NAALAD2: variants seen among roughly 807,000 people sequenced by gnomAD.
The protein encoded by NAALAD2 is N-acetylated alpha-linked acidic dipeptidase 2.
A neutral mutation model predicts 95.6 loss-of-function variants in NAALAD2; 89 were observed. That is an observed-to-expected ratio of 0.93 (90% confidence interval 0.78 to 1.11). NAALAD2 has a LOEUF of 1.11. Ranked by LOEUF, NAALAD2 falls within the 50% of genes least tolerant of loss-of-function variation. The pLI is 0.00. For synonymous variants in NAALAD2, 264 were observed against 294.4 expected, an observed-to-expected ratio of 0.90 and a Z score of 1.06; for missense variants, 894 against 872.4, an observed-to-expected ratio of 1.02 and a Z score of -0.31.
chr11:90,183,958 C>T (rs1424715470), intron 18 of NAALAD2, among the ~76,000 whole-genome samples: 1 of 152,126 alleles, frequency 6.6e-6, no homozygotes, highest in Non-Finnish European at 1.5e-5. Context: ...CTTTCAGTAT[C>T]TTGGCTGCAT....
intron 14 of NAALAD2, 22 bp from the exon 15 acceptor site, chr11:90,175,950 G>GTGTGTGTA: frequency 1.4e-6 from 2 of 1,448,856 alleles, no homozygotes; most frequent in South Asian, 1.1e-5. Context: ...GTGTGTGTGT[G>GTGTGTGTA]TGGATTGCAT....
chr11:90,134,467 G>A, upstream of NAALAD2: 1 of 390,966 alleles, frequency 2.6e-6, no homozygotes, highest in South Asian at 3.6e-5. Flanking sequence ...AAAAATTAGG[G>A]ACGTTTTCAG....
intron 18 of NAALAD2, among the ~76,000 whole-genome samples, chr11:90,191,030 C>A (rs1407214732): frequency 6.6e-6 from 1 of 151,990 alleles, no homozygotes; most frequent in Non-Finnish European, 1.5e-5. Flanking sequence ...TGCGGGCAAC[C>A]CACATATAAC....
At chr11:90,186,497 G>A (rs200389092) in intron 18 of NAALAD2, among the ~76,000 whole-genome samples, 1 of 152,106 alleles carries the variant, frequency 6.6e-6, no homozygotes, top group Non-Finnish European at 1.5e-5. Flanking sequence ...ATGTGTGCAT[G>A]TGTCTTTATA....
At chr11:90,174,009 C>T (rs1310784985) in intron 14 of NAALAD2, 94 bp downstream of exon 14, 1 of 878,284 alleles carries the variant, frequency 1.1e-6, no homozygotes, top group African/African-American at 1.7e-5. Flanking sequence ...TCAAGCGTCT[C>T]ATCAATAATT....
Position 90,163,028 on chromosome 11 carries a change from G to C in NAALAD2, c.1069G>C (p.Glu357Gln). The change falls in exon 9 of 19, where the codon GAA becomes CAA. Residue 357 changes from glutamate (E) to glutamine (Q), a missense_variant. Coordinates refer to ENST00000534061, the MANE Select transcript of NAALAD2 (RefSeq NM_005467.4). Reference sequence around the variant, plus strand: ...AGTTGGAACTATCAGAGGATCTGTGGAACCTGGTGAGTCACATAATTTTTT... The same window carrying C: ...AGTTGGAACTATCAGAGGATCTGTGCAACCTGGTGAGTCACATAATTTTTT... Reference protein sequence around the residue: ...NVVGTIRGSVEPDRYVILGGH... With the variant: ...NVVGTIRGSVQPDRYVILGGH... 6.4e-7 allele frequency: 1 copy of C among 1,552,624 alleles called. No individual in the cohort carries two copies. Among genetic ancestry groups the C allele is most frequent in the East Asian group, 2.3e-5 (1 of 44,102 alleles).
rs528395540 is a variant in NAALAD2, at chr11:90,177,840, A to ATT, written c.1594-5_1594-4dup. 4 of 1,555,820 alleles carry ATT rather than the reference A, an allele frequency of 2.6e-6. No individual in the cohort carries two copies. Among genetic ancestry groups the ATT allele is most frequent in the South Asian group, 1.2e-5 (1 of 83,886 alleles). ...AATGTTTATTTATACTTGCCTCTCC[A>ATT]TTTTTTTTTCAGAAAACAGATAAGT... On this transcript the variant is annotated splice_polypyrimidine_tract_variant and intron_variant, in intron 15 of 18. Transcript: ENST00000534061.
intron 2 of NAALAD2, among the ~76,000 whole-genome samples, chr11:90,143,256 C>A (rs1399393150): frequency 6.6e-6 from 1 of 152,050 alleles, no homozygotes; most frequent in African/African-American, 2.4e-5. Context: ...TAAGTATTTC[C>A]TGTAATGTGG....
At chr11:90,169,126 C>T in intron 12 of NAALAD2, 134 bp downstream of exon 12, 1 of 556,598 alleles carries the variant, frequency 1.8e-6, no homozygotes. Flanking sequence ...TATCCCCTTC[C>T]TTTGAGATGC....
chr11:90,166,711 T>C (rs1049407937), intron 11 of NAALAD2, among the ~76,000 whole-genome samples: 1 of 151,576 alleles, frequency 6.6e-6, no homozygotes, highest in East Asian at 1.9e-4. Flanking sequence ...GGTGGGTGCC[T>C]GTAGTCCCAG....
chr11:90,190,932 G>A (rs552326219), intron 18 of NAALAD2, among the ~76,000 whole-genome samples: 4 of 152,104 alleles, frequency 2.6e-5, no homozygotes, highest in Non-Finnish European at 5.9e-5. Flanking sequence ...TCATTATTGC[G>A]GAAAGTAGCT....
intron 2 of NAALAD2, among the ~76,000 whole-genome samples, chr11:90,139,726 C>A (rs1951555204): frequency 6.6e-6 from 1 of 152,140 alleles, no homozygotes; most frequent in South Asian, 2.1e-4. Context: ...TATAGATATG[C>A]CTTTCTTATA....
intron 13 of NAALAD2, among the ~76,000 whole-genome samples, chr11:90,172,656 G>T (rs1952675945): frequency 6.6e-6 from 1 of 151,874 alleles, no homozygotes; most frequent in African/African-American, 2.4e-5. Context: ...TTATAATTTT[G>T]TATTACAAAA....
At chr11:90,168,282 C>T (rs765749511) in intron 11 of NAALAD2, among the ~76,000 whole-genome samples, 3 of 152,160 alleles carry the variant, frequency 2.0e-5, no homozygotes, top group Non-Finnish European at 4.4e-5. Context: ...CCGGACACGC[C>T]GCCTTTAAGA....
intron 8 of NAALAD2, chr11:90,162,411 T>G (rs1177537318): frequency 6.6e-6 from 1 of 152,050 alleles, no homozygotes. Flanking sequence ...GAATTTTTTA[T>G]GTTTTTTATA....
chr11:90,150,889 A>G (rs1439276418), intron 5 of NAALAD2, among the ~76,000 whole-genome samples: 1 of 152,126 alleles, frequency 6.6e-6, no homozygotes, highest in East Asian at 1.9e-4. Context: ...GCTTCTCTGC[A>G]TTACCCACTT....
rs759166878 is a variant in NAALAD2 at position 90,181,670 on chromosome 11, C to T, written c.1909C>T (p.His637Tyr). 2.4e-5 allele frequency: 39 copies of T among 1,599,096 alleles called. No homozygotes were observed. Among genetic ancestry groups the T allele is most frequent in the Non-Finnish European group, 3.2e-5 (38 of 1,171,832 alleles). Residue 637 changes from histidine to tyrosine, a missense_variant, in exon 17 of 19, where the codon CAT becomes TAT. Transcript: ENST00000534061. ...CTTCTCAGAGGCTGCTTCAGATTTT[C>T]ATAAACGACTTATACAAGTTGATCT... is the stretch of plus-strand genomic sequence containing the variant. ...KNFSEAASDF[H>Y]KRLIQVDLNN... is the part of the protein sequence containing the mutation.
At chr11:90,172,749 T>C (rs570645700) in intron 13 of NAALAD2, among the ~76,000 whole-genome samples, 4 of 152,306 alleles carry the variant, frequency 2.6e-5, no homozygotes, top group Admixed American at 1.3e-4. Flanking sequence ...CCGCATCTCT[T>C]TTCTGAGTTC....
chr11:90,155,569 TATATAA>T (rs1952071898), intron 6 of NAALAD2, among the ~76,000 whole-genome samples: 1 of 79,680 alleles, frequency 1.3e-5, no homozygotes, highest in Non-Finnish European at 2.2e-5. Context: ...TAATATATAA[TATATAA>T]TATATATGTA....
Sources: allele counts gnomAD v4.1 joint callset (sites outside exome capture counted in the v4.1 genomes callset), GRCh38; gene constraint gnomAD v4.1.1; transcripts MANE v1.5; gene names NCBI Gene and HGNC (gene_info 2026-07-23, HGNC 2026-07-21).